Variants in RABGAP1L observed in about 807,000 individuals in gnomAD.
RABGAP1L encodes RAB GTPase activating protein 1 like, also known as rab GTPase-activating protein 1-like.
RABGAP1L carries 63 observed loss-of-function variants against 137.7 expected under a neutral mutation model. The observed-to-expected ratio is 0.46, with a 90% CI of 0.37 to 0.56. RABGAP1L has a LOEUF of 0.56. RABGAP1L is among the 20% of genes least tolerant of loss of function. The pLI, the probability that RABGAP1L is intolerant of heterozygous loss-of-function variation, is 0.00. For missense variants in RABGAP1L, 1,095 were observed against 1,244.0 expected (o/e 0.88, Z 1.80); for synonymous variants, 431 against 433.7 (o/e 0.99, Z 0.08).
At chr1:174,490,063 C>G (rs1216507893) in intron 13 of RABGAP1L, among the ~76,000 whole-genome samples, 1 of 152,098 alleles carries the variant, frequency 6.6e-6, no homozygotes, top group African/African-American at 2.4e-5. Context: ...CCATGTGTCT[C>G]TTTCTCCAAG....
intron 19 of RABGAP1L, among the ~76,000 whole-genome samples, chr1:174,863,004 C>T (rs1057495956): frequency 1.3e-5 from 2 of 151,706 alleles, no homozygotes; most frequent in African/African-American, 4.8e-5. Flanking sequence ...AAGTGATTCT[C>T]CTGCCTCAGC....
chr1:174,540,284 G>C (rs772038653), intron 13 of RABGAP1L, among the ~76,000 whole-genome samples: 28 of 152,264 alleles, frequency 1.8e-4, no homozygotes, highest in Non-Finnish European at 2.4e-4. Context: ...TTGTGCAGAA[G>C]CTCTTTAGTT....
intron 13 of RABGAP1L, among the ~76,000 whole-genome samples, chr1:174,510,621 T>C (rs1419189552): frequency 6.6e-6 from 1 of 152,212 alleles, no homozygotes; most frequent in Non-Finnish European, 1.5e-5. Flanking sequence ...TTTAGAGACC[T>C]GTTTCATTTT....
intron 1 of RABGAP1L, among the ~76,000 whole-genome samples, chr1:174,165,439 C>G (rs567179623): frequency 6.6e-6 from 1 of 152,170 alleles, no homozygotes; most frequent in East Asian, 1.9e-4. Context: ...CGTGAGCCAC[C>G]GTGCCCGGTC....
chr1:174,370,512 C>T (rs951758048), intron 11 of RABGAP1L, among the ~76,000 whole-genome samples: 383 of 49,926 alleles, frequency 7.7e-3, no homozygotes, highest in Middle Eastern at 0.017. Flanking sequence ...AGAAACCTAA[C>T]TTTTTTTTTT....
chr1:174,163,606 G>A lies in RABGAP1L; in HGVS notation c.-34+3949G>A, dbSNP rs531913771. Among the ~76,000 whole-genome samples the A allele has an allele frequency of 1.0e-4, 13 of 129,592 alleles. 1 individual carries two copies. Among genetic ancestry groups the A allele is most frequent in the Non-Finnish European group, 1.5e-4 (10 of 65,248 alleles). 85.0% of individuals were successfully genotyped at this position (129,592 alleles called of 152,430 possible). A position where few individuals can be genotyped will look rare whatever the true frequency, so the allele number is the denominator to read the frequency against. On this transcript the variant is annotated intron_variant, in intron 1 of 25. Coordinates refer to ENST00000681986, the MANE Select transcript of RABGAP1L (RefSeq NM_001366446.1). ...GTAGAAAACATTTGCCAGTGCTGTT[G>A]GGCTTAAAAAAAAAAAAAACCCAAC...
At chr1:174,953,248 G>A (rs1468249789) in intron 19 of RABGAP1L, among the ~76,000 whole-genome samples, 1 of 152,124 alleles carries the variant, frequency 6.6e-6, no homozygotes, top group Non-Finnish European at 1.5e-5. Flanking sequence ...ATACAAATAT[G>A]AAATAAACAC....
chr1:174,568,747 G>A (rs1416614369), intron 13 of RABGAP1L, among the ~76,000 whole-genome samples: 1 of 152,068 alleles, frequency 6.6e-6, no homozygotes, highest in Non-Finnish European at 1.5e-5. Context: ...GTGTATTTTG[G>A]CAGGAACATT....
At chr1:174,944,927 C>T (rs1402662395) in intron 19 of RABGAP1L, among the ~76,000 whole-genome samples, 3 of 152,146 alleles carry the variant, frequency 2.0e-5, no homozygotes, top group Non-Finnish European at 4.4e-5. Flanking sequence ...TAGCAAGCGA[C>T]ATGTATTTAC....
intron 19 of RABGAP1L, among the ~76,000 whole-genome samples, chr1:174,943,709 T>C (rs1439370180): frequency 6.6e-6 from 1 of 151,844 alleles, no homozygotes; most frequent in Non-Finnish European, 1.5e-5. Flanking sequence ...GGCGGGCACC[T>C]GTAATCCCAG....
intron 14 of RABGAP1L, among the ~76,000 whole-genome samples, chr1:174,649,300 G>T (rs1453868479): frequency 2.6e-5 from 4 of 152,044 alleles, no homozygotes; most frequent in African/African-American, 9.7e-5. Flanking sequence ...TAGTGTTGAT[G>T]GTCTTTACAA....
At chr1:174,192,245 T>C (rs1276089405) in intron 1 of RABGAP1L, among the ~76,000 whole-genome samples, 1 of 152,062 alleles carries the variant, frequency 6.6e-6, no homozygotes, top group African/African-American at 2.4e-5. Context: ...TGATTATTTC[T>C]CTAACTGCGT....
intron 13 of RABGAP1L, among the ~76,000 whole-genome samples, chr1:174,503,081 G>A (rs1661474641): frequency 6.6e-6 from 1 of 152,154 alleles, no homozygotes; most frequent in African/African-American, 2.4e-5. Context: ...GGTAAGTGCT[G>A]TATTCTCATC....
At chr1:174,252,799 T>G (rs1432467566) in intron 7 of RABGAP1L, among the ~76,000 whole-genome samples, 4 of 152,216 alleles carry the variant, frequency 2.6e-5, no homozygotes, top group Non-Finnish European at 5.9e-5. Flanking sequence ...ATGGTTTTAG[T>G]TTTTCAGTCA....
intron 13 of RABGAP1L, among the ~76,000 whole-genome samples, chr1:174,474,411 C>T (rs1658269158): frequency 6.6e-6 from 1 of 152,174 alleles, no homozygotes; most frequent in Non-Finnish European, 1.5e-5. Context: ...AGCTTTACTT[C>T]CTTCTTACTA....
chr1:174,789,201 G>T (rs150959940), intron 18 of RABGAP1L, among the ~76,000 whole-genome samples: 348 of 152,232 alleles, frequency 2.3e-3, no homozygotes, highest in Middle Eastern at 0.014. Flanking sequence ...AATGGTCTCT[G>T]CATTTTTCTG....
chr1:174,335,228 T>G (rs1681376230), intron 11 of RABGAP1L, among the ~76,000 whole-genome samples: 1 of 152,228 alleles, frequency 6.6e-6, no homozygotes, highest in East Asian at 1.9e-4. Flanking sequence ...AAGTTAGAGC[T>G]GGAGGTGGCA....
intron 10 of RABGAP1L, among the ~76,000 whole-genome samples, chr1:174,286,303 A>G (rs1444749594): frequency 1.3e-5 from 2 of 152,190 alleles, no homozygotes; most frequent in African/African-American, 2.4e-5. Context: ...GGTAGGTCAT[A>G]TGTTTCCAGG....
intron 14 of RABGAP1L, among the ~76,000 whole-genome samples, chr1:174,663,693 A>C (rs1676556480): frequency 6.6e-6 from 1 of 152,200 alleles, no homozygotes; most frequent in Non-Finnish European, 1.5e-5. Context: ...CCACAAAATC[A>C]ATATTCTCAA....
Sources: gnomAD v4.1 joint callset for allele counts (sites outside exome capture counted in the v4.1 genomes callset) on GRCh38, gnomAD v4.1.1 for gene constraint, MANE v1.5 for transcripts, NCBI Gene and HGNC (gene_info 2026-07-23, HGNC 2026-07-21) for gene names.